Variants in HAUS7 observed in about 807,000 individuals in gnomAD.
HAUS7 encodes HAUS augmin like complex subunit 7.
In HAUS7, 3 loss-of-function variants were observed where a neutral mutation model predicts 28.4. The observed-to-expected ratio is 0.11, with a 90% CI of 0.05 to 0.27. HAUS7 has a LOEUF of 0.27. Among genes scored for constraint, HAUS7 ranks in the 10% least tolerant of loss-of-function variants. HAUS7 has a pLI of 1.00. For synonymous variants in HAUS7, 165 were observed against 132.1 expected, an observed-to-expected ratio of 1.25 and a Z score of -1.71; for missense variants, 284 against 297.3, an observed-to-expected ratio of 0.96 and a Z score of 0.33.
chrX:153,481,442 C>G, intron 1 of HAUS7: 1 of 755,343 alleles, frequency 1.3e-6, no homozygotes, highest in Non-Finnish European at 1.6e-6. Flanking sequence ...GGCAGCACCT[C>G]CAAGACCCCA....
chrX:153,477,817 G>A (rs1488090812), intron 1 of HAUS7, among the ~76,000 whole-genome samples: 1 of 112,475 alleles, frequency 8.9e-6, no homozygotes, highest in Non-Finnish European at 1.9e-5. Flanking sequence ...CCTGGATGGC[G>A]AGGGTACCCT....
At chrX:153,472,597 G>C (rs1002158638), upstream of HAUS7, among the ~76,000 whole-genome samples, 18 of 109,604 alleles carry the variant, frequency 1.6e-4, no homozygotes, top group African/African-American at 5.0e-4. Context: ...TGGAAATGTG[G>C]ACTCAAGCTC....
chrX:153,457,518 C>T (rs942033904), intron 4 of HAUS7, among the ~76,000 whole-genome samples: 3 of 113,369 alleles, frequency 2.6e-5, no homozygotes, highest in African/African-American at 9.6e-5. Context: ...GACAGCATGG[C>T]TTGCTGGGTG....
At position 153,456,346 on chromosome X, in the gene HAUS7, C is replaced by G; in HGVS notation, c.624G>C (p.Lys208Asn). Residue 208 changes from lysine (K) to asparagine (N), a missense_variant, in exon 7 of 10, where the codon AAG (lysine) becomes AAC (asparagine). Physicochemically the swap from Lys to Asn is moderately conservative, Grantham distance 94. Transcript: ENST00000370211. ...CCGCCAGCTTCTCCTCCTCCTCGGA[C>G]TTGGCAGAGGCACTGGCCCTGCAGG... ...DDWQWASASA[K>N]SEEEEKLAEL... 4 of 1,210,715 alleles carry G rather than the reference C, an allele frequency of 3.3e-6. No homozygotes were observed. Among genetic ancestry groups the G allele is most frequent in the Non-Finnish European group, 4.5e-6 (4 of 894,305 alleles).
intron 3 of HAUS7, among the ~76,000 whole-genome samples, chrX:153,464,206 T>C (rs1198062554): frequency 8.9e-6 from 1 of 112,111 alleles, no homozygotes; most frequent in African/African-American, 3.2e-5. Flanking sequence ...GGAATGGCGG[T>C]GTCAGGGCTA....
chrX:153,454,994 G>T, intron 8 of HAUS7: 1 of 1,020,717 alleles, frequency 9.8e-7, no homozygotes. Flanking sequence ...GCAGAGTTGC[G>T]CACGTGGGAA....
rs782584141 is a variant in HAUS7, at chrX:153,486,743, T to G, written c.-589+8631A>C. On this transcript the variant is annotated intron_variant, in intron 1 of 5. Coordinates refer to the HAUS7 transcript ENST00000370210. ...CGGCGCCGCATCCCGCCCACTGCCT[T>G]CTCCTGCACCCGAGCCTATCACAGC... 364 of 980,688 alleles carry G rather than the reference T, an allele frequency of 3.7e-4. 2 individuals are homozygous for G. Among genetic ancestry groups the G allele is most frequent in the Non-Finnish European group, 7.0e-5 (53 of 755,664 alleles). The allele number at this position is 980,688 out of a possible 1,213,427, so 80.8% of individuals were successfully genotyped here.
chrX:153,479,219 C>A, intron 1 of HAUS7: 1 of 411,614 alleles, frequency 2.4e-6, no homozygotes, highest in Non-Finnish European at 3.1e-6. Flanking sequence ...CCTGCCGTGG[C>A]CACCACCGTG....
chrX:153,478,197 C>T (rs1375240702), intron 1 of HAUS7, among the ~76,000 whole-genome samples: 2 of 112,910 alleles, frequency 1.8e-5, no homozygotes, highest in Non-Finnish European at 3.7e-5. Context: ...TGCCAGCCCC[C>T]GCCTGCCTGC....
intron 4 of HAUS7, chrX:153,461,708 G>T: frequency 5.1e-6 from 1 of 195,918 alleles, no homozygotes; most frequent in Non-Finnish European, 9.4e-6. Flanking sequence ...ACCGAGCAGG[G>T]TGGCTAGAAT....
intron 1 of HAUS7, among the ~76,000 whole-genome samples, chrX:153,487,677 G>A (rs1055249003): frequency 2.7e-5 from 3 of 112,736 alleles, no homozygotes; most frequent in Non-Finnish European, 5.6e-5. Context: ...CACGTGGTCT[G>A]TGCAAAGCCA....
chrX:153,483,525 C>G, intron 1 of HAUS7: 5 of 722,867 alleles, frequency 6.9e-6, no homozygotes, highest in Non-Finnish European at 8.2e-6. Flanking sequence ...CCCCGAGAGG[C>G]AGGTGGGGAA....
At chrX:153,448,400 G>C (rs1256654332) in intron 9 of HAUS7, among the ~76,000 whole-genome samples, 1 of 72,442 alleles carries the variant, frequency 1.4e-5, no homozygotes, top group Non-Finnish European at 2.4e-5. Flanking sequence ...GTTGTGGGGT[G>C]GGGGGAGGGA....
chrX:153,448,568 TAAATA>T (rs1424676393), intron 9 of HAUS7, among the ~76,000 whole-genome samples: 2 of 109,764 alleles, frequency 1.8e-5, no homozygotes, highest in African/African-American at 3.3e-5. Context: ...ATAAAATAAA[TAAATA>T]AAATAAACAA....
Position 153,470,522 on chromosome X carries a change from G to A in HAUS7, c.36C>T (p.Gly12=). The change falls in exon 1 of 10, where the codon GGC becomes GGT. Residue 12 remains glycine (G), a synonymous_variant. Transcript: ENST00000370211. ...AGQDAGCGRG[G]DDYSEDEGDS... ...CGCCCTCGTCCTCTGAGTAGTCGTC[G>A]CCGCCACGGCCGCAGCCAGCGTCCT... 8.4e-7 allele frequency: 1 copy of A among 1,196,045 alleles called. No homozygotes were observed. Among genetic ancestry groups the A allele is most frequent in the Non-Finnish European group, 1.1e-6 (1 of 887,740 alleles).
intron 1 of HAUS7, among the ~76,000 whole-genome samples, chrX:153,487,596 T>C (rs2089647071): frequency 8.9e-6 from 1 of 112,573 alleles, no homozygotes; most frequent in African/African-American, 3.2e-5. Context: ...CCCAGAGATG[T>C]ATGGCTGGCT....
intron 1 of HAUS7, among the ~76,000 whole-genome samples, chrX:153,480,426 ACT>A (rs1227687918): frequency 2.7e-5 from 3 of 109,988 alleles, no homozygotes; most frequent in Non-Finnish European, 3.8e-5. Context: ...CGGTGGGGAC[ACT>A]CTGTTCTCTC....
At chrX:153,487,047 G>C (rs2089643437) in intron 1 of HAUS7, 1 of 259,164 alleles carries the variant, frequency 3.9e-6, no homozygotes, top group Non-Finnish European at 7.2e-6. Flanking sequence ...AGGCTCACCA[G>C]CCAGCCTCCC....
chrX:153,452,192 G>A (rs1193593035), intron 9 of HAUS7, among the ~76,000 whole-genome samples: 1 of 112,080 alleles, frequency 8.9e-6, no homozygotes, highest in Non-Finnish European at 1.9e-5. Context: ...AAAGATGAAG[G>A]AGAAATGAAG....
Sources: gnomAD v4.1 joint callset for allele counts (sites outside exome capture counted in the v4.1 genomes callset) on GRCh38, gnomAD v4.1.1 for gene constraint, MANE v1.5 for transcripts, NCBI Gene and HGNC (gene_info 2026-07-23, HGNC 2026-07-21) for gene names.